The following ARL13B variants were observed in gnomAD, a reference collection of about 807,000 sequenced individuals.
The protein encoded by ARL13B is ADP-ribosylation factor-like protein 13B.
In ARL13B, 36 loss-of-function variants were observed where a neutral mutation model predicts 56.1. That is an observed-to-expected ratio of 0.64 (90% CI 0.49 to 0.85). ARL13B has a LOEUF of 0.85. ARL13B is among the 40% of genes least tolerant of loss of function. The pLI is 0.00. For synonymous variants in ARL13B, 178 were observed against 171.1 expected (o/e 1.04, Z -0.32); for missense variants, 519 against 507.1 (o/e 1.02, Z -0.23).
intron 2 of ARL13B, among the ~76,000 whole-genome samples, chr3:93,999,365 G>A (rs1022450600): frequency 7.2e-5 from 11 of 151,994 alleles, no homozygotes; most frequent in Non-Finnish European, 1.3e-4. Context: ...CCTCAGCCTC[G>A]AGAGTAGCTA....
At chr3:94,009,074 A>AT (rs2076179356) in intron 3 of ARL13B, among the ~76,000 whole-genome samples, 1 of 143,868 alleles carries the variant, frequency 7.0e-6, no homozygotes, top group African/African-American at 2.6e-5. Flanking sequence ...AGGAGCAGTA[A>AT]AGATAGATAG....
intron 1 of ARL13B, among the ~76,000 whole-genome samples, chr3:93,992,857 G>A (rs1337225315): frequency 6.6e-6 from 1 of 151,952 alleles, no homozygotes; most frequent in East Asian, 1.9e-4. Context: ...CAAGTGGTAC[G>A]ATCTTGTCTC....
chr3:94,029,044 T>G (rs1395614117), intron 3 of ARL13B, among the ~76,000 whole-genome samples: 1 of 151,766 alleles, frequency 6.6e-6, no homozygotes, highest in Non-Finnish European at 1.5e-5. Flanking sequence ...TTTTAATTTT[T>G]TTTACTTTTT....
intron 3 of ARL13B, among the ~76,000 whole-genome samples, chr3:94,006,117 T>C (rs2076130016): frequency 6.6e-6 from 1 of 151,996 alleles, no homozygotes; most frequent in African/African-American, 2.4e-5. Flanking sequence ...CTGGCTAACA[T>C]GGTGAAACTC....
intron 3 of ARL13B, 80 bp from the exon 4 acceptor site, chr3:94,035,251 A>AG: frequency 9.2e-7 from 1 of 1,086,840 alleles, no homozygotes; most frequent in East Asian, 2.4e-5. Context: ...AAAAAAAAAA[A>AG]AAAGAATGTG....
rs1226436427 is a variant in ARL13B, at chr3:93,985,340, A to C, written c.59+4858A>C. On this transcript the variant is annotated intron_variant, in intron 1 of 9. Coordinates refer to ENST00000394222, the MANE Select transcript of ARL13B (RefSeq NM_001174150.2). ...ATTTTGAGCTCCTGTTATTTATAACATAGCATCTAGGTGATGAAATAGTGC... is the reference window on the plus strand; with the variant it reads ...ATTTTGAGCTCCTGTTATTTATAACCTAGCATCTAGGTGATGAAATAGTGC... Among the ~76,000 whole-genome samples, 5 of 152,200 alleles carry C rather than the reference A, an allele frequency of 3.3e-5. No homozygotes were observed. The East Asian group carries it at 9.6e-4, about 29-fold the overall frequency.
chr3:93,986,655 T>C (rs1710477731), intron 1 of ARL13B, among the ~76,000 whole-genome samples: 1 of 152,166 alleles, frequency 6.6e-6, no homozygotes, highest in Non-Finnish European at 1.5e-5. Flanking sequence ...TTGACTTGCA[T>C]AATATTTTTG....
intron 3 of ARL13B, among the ~76,000 whole-genome samples, chr3:94,008,784 G>T (rs1000138498): frequency 6.6e-6 from 1 of 151,806 alleles, no homozygotes; most frequent in Non-Finnish European, 1.5e-5. Context: ...TTTCTTTTAG[G>T]GTAACAATTC....
chr3:93,980,536 C>A (rs1042531095), intron 1 of ARL13B, 54 bp downstream of exon 1: 24 of 1,598,646 alleles, frequency 1.5e-5, no homozygotes, highest in Admixed American at 3.3e-5. Flanking sequence ...TGGCTGCGCC[C>A]CAGGGGCGAG....
intron 3 of ARL13B, among the ~76,000 whole-genome samples, chr3:94,031,338 G>C (rs2076673928): frequency 6.6e-6 from 1 of 151,770 alleles, no homozygotes; most frequent in African/African-American, 2.4e-5. Flanking sequence ...AAAGGGCCTA[G>C]AAGCAGTAGT....
chr3:94,022,416 G>T (rs986904284), intron 3 of ARL13B, among the ~76,000 whole-genome samples: 2 of 152,004 alleles, frequency 1.3e-5, no homozygotes, highest in Non-Finnish European at 2.9e-5. Flanking sequence ...GTGAGCCACC[G>T]CACCCGGCTG....
chr3:93,992,233 C>T (rs569965789), intron 1 of ARL13B, among the ~76,000 whole-genome samples: 39 of 151,902 alleles, frequency 2.6e-4, no homozygotes, highest in Non-Finnish European at 2.8e-4. Flanking sequence ...ACGTGAGGTG[C>T]TCTATATAAT....
At chr3:94,033,850 G>A (rs544304232) in intron 3 of ARL13B, among the ~76,000 whole-genome samples, 1 of 152,184 alleles carries the variant, frequency 6.6e-6, no homozygotes, top group South Asian at 2.1e-4. Flanking sequence ...CACCAGATAC[G>A]GGAAATATAG....
intron 5 of ARL13B, among the ~76,000 whole-genome samples, chr3:94,039,492 T>A (rs1224435814): frequency 9.7e-6 from 1 of 102,694 alleles, no homozygotes; most frequent in African/African-American, 4.9e-5. Context: ...AATGCAAGAC[T>A]CCGACTCAAA....
chr3:94,033,961 T>TG lies in ARL13B; in HGVS notation c.381-1365dup, dbSNP rs564529188. ...AAATGTCATGGGAGGAAAAGAGTCA[T>TG]GGGGGTGGTAGTGGGGAGGGCAGGT... On this transcript the variant is annotated intron_variant, in intron 3 of 9. Coordinates refer to ENST00000394222, the MANE Select transcript of ARL13B (RefSeq NM_001174150.2). 1.8e-3 allele frequency among the ~76,000 whole-genome samples: 267 copies of TG among 152,178 alleles called. 2 individuals carry two copies. The highest frequency in any genetic ancestry group is 6.6e-3 in the Admixed American group (101 of 15,276).
intron 7 of ARL13B, chr3:94,048,282 G>T (rs1236883131): frequency 6.6e-6 from 1 of 152,252 alleles, no homozygotes; most frequent in Non-Finnish European, 1.5e-5. Flanking sequence ...GGGAGGTGGA[G>T]ATTGCAGTGA....
intron 3 of ARL13B, among the ~76,000 whole-genome samples, chr3:94,009,074 A>AACAT (rs2076179410): frequency 7.0e-6 from 1 of 143,868 alleles, no homozygotes; most frequent in Non-Finnish European, 1.5e-5. Context: ...AGGAGCAGTA[A>AACAT]AGATAGATAG....
At chr3:94,040,382 G>A (rs1026369129) in intron 6 of ARL13B, among the ~76,000 whole-genome samples, 28 of 152,068 alleles carry the variant, frequency 1.8e-4, no homozygotes, top group Non-Finnish European at 2.5e-4. Context: ...GAATGCATTA[G>A]GGTACATAAA....
intron 2 of ARL13B, among the ~76,000 whole-genome samples, chr3:94,003,212 T>A (rs2076081972): frequency 6.6e-6 from 1 of 152,188 alleles, no homozygotes; most frequent in African/African-American, 2.4e-5. Context: ...GCCTTATTCT[T>A]TATAGCTTCT....
Sources: allele counts gnomAD v4.1 joint callset (sites outside exome capture counted in the v4.1 genomes callset), GRCh38; gene constraint gnomAD v4.1.1; transcripts MANE v1.5; gene names NCBI Gene and HGNC (gene_info 2026-07-23, HGNC 2026-07-21).